Variants in ATXN1 observed in about 807,000 individuals in gnomAD.
The protein encoded by ATXN1 is ataxin 1.
Under a neutral mutation model 56.4 loss-of-function variants are expected in ATXN1, and 8 were observed. The ratio of observed to expected loss-of-function variants is 0.14; its 90% CI spans 0.08 to 0.26. The LOEUF (loss-of-function observed/expected upper bound fraction) is 0.26. Ranked by LOEUF, ATXN1 falls within the 10% of genes least tolerant of loss-of-function variation. The probability of loss-of-function intolerance (pLI) is 1.00; values close to 1 mark genes in which losing one functional copy is unlikely to be tolerated. For missense variants in ATXN1, 987 were observed against 1,106.5 expected (o/e 0.89, Z 1.53); for synonymous variants, 514 against 494.6 (o/e 1.04, Z -0.52).
chr6:16,331,705 TA>T (rs918016782), intron 6 of ATXN1, among the ~76,000 whole-genome samples: 17 of 152,222 alleles, frequency 1.1e-4, no homozygotes, highest in African/African-American at 3.6e-4. Flanking sequence ...CAAAGCCAAG[TA>T]AAATGTCAAA....
rs138290142 is a variant in ATXN1, at chr6:16,306,761, C to T, written c.2016G>A (p.Pro672=). 8.6e-5 allele frequency: 139 copies of T among 1,614,052 alleles called. No individual in the cohort carries two copies. Among genetic ancestry groups the T allele is most frequent in the Non-Finnish European group, 1.1e-4 (133 of 1,179,968 alleles). The change falls in exon 8 of 8, where the codon CCG becomes CCA. Residue 672 remains proline (P), a synonymous_variant. Transcript: ENST00000436367. The surrounding 1 kb of genome is among the most constrained non-coding windows in gnomAD (Gnocchi z 5.2). ...CATCCCCAACTGAGAGTTTGGAACA[C>T]GGCAAATCAAAGAGCTGGCTGGTTC... ...PERTSQLFDL[P]CSKLSVGDVC... is the part of the protein sequence containing the mutation.
At chr6:16,507,895 T>C (rs1196620889) in intron 5 of ATXN1, among the ~76,000 whole-genome samples, 2 of 152,220 alleles carry the variant, frequency 1.3e-5, no homozygotes, top group African/African-American at 2.4e-5. Flanking sequence ...AGATTACTTT[T>C]AAAAGCAACA....
intron 3 of ATXN1, among the ~76,000 whole-genome samples, chr6:16,613,266 C>T (rs1250613093): frequency 5.8e-5 from 6 of 102,930 alleles, no homozygotes; most frequent in African/African-American, 2.0e-4. Context: ...AGCGAGACTC[C>T]GTCTCAAAAA....
chr6:16,715,287 A>G (rs1255255033), intron 2 of ATXN1, among the ~76,000 whole-genome samples: 1 of 152,212 alleles, frequency 6.6e-6, no homozygotes, highest in African/African-American at 2.4e-5. Flanking sequence ...TAAGAGACAG[A>G]GGCTATTATT....
At chr6:16,751,872 T>G (rs576351738) in intron 2 of ATXN1, among the ~76,000 whole-genome samples, 29 of 152,358 alleles carry the variant, frequency 1.9e-4, no homozygotes, top group Admixed American at 6.5e-4. Flanking sequence ...GGTACTATTC[T>G]ACCCACAGTA....
intron 2 of ATXN1, among the ~76,000 whole-genome samples, chr6:16,749,261 G>C (rs559416445): frequency 1.3e-5 from 2 of 152,298 alleles, no homozygotes; most frequent in Middle Eastern, 6.8e-3. Context: ...ATGGCACATT[G>C]TGATTTACGC....
chr6:16,460,736 G>A (rs765293334), intron 6 of ATXN1, among the ~76,000 whole-genome samples: 10 of 152,118 alleles, frequency 6.6e-5, no homozygotes, highest in Non-Finnish European at 8.8e-5. Context: ...CCTATATACC[G>A]ATGGAAGTTC....
At chr6:16,587,424 G>C (rs535838405) in intron 3 of ATXN1, among the ~76,000 whole-genome samples, 1 of 152,290 alleles carries the variant, frequency 6.6e-6, no homozygotes, top group Admixed American at 6.5e-5. Context: ...TGTTCACAAA[G>C]TCTACATACT....
chr6:16,523,371 A>G (rs1761331245), intron 4 of ATXN1, among the ~76,000 whole-genome samples: 1 of 152,140 alleles, frequency 6.6e-6, no homozygotes, highest in South Asian at 2.1e-4. Flanking sequence ...CTCCCTCCAA[A>G]GTCCCTCTCA....
chr6:16,635,976 C>A (rs908073147), intron 3 of ATXN1, among the ~76,000 whole-genome samples: 1 of 152,174 alleles, frequency 6.6e-6, no homozygotes, highest in Non-Finnish European at 1.5e-5. Context: ...CAGAGCACAA[C>A]CCTAACCTCA....
At position 16,430,335 on chromosome 6, in the gene ATXN1, GAA is replaced by G. The variant is rs11302453; in HGVS notation, c.-161+55635_-161+55636del. ...GCAGGAAAGAGGGAAGGAAGGATAGGAAAAAAAAAAAAAGAAAGGGAAAGAAA... is the reference window on the plus strand; with the variant it reads ...GCAGGAAAGAGGGAAGGAAGGATAGGAAAAAAAAAAAGAAAGGGAAAGAAA... On this transcript the variant is annotated intron_variant, in intron 6 of 7. Transcript: ENST00000436367. 3.5e-3 allele frequency among the ~76,000 whole-genome samples: 510 copies of G among 144,992 alleles called. 3 individuals carry two copies. Among genetic ancestry groups the G allele is most frequent in the African/African-American group, 0.01 (402 of 39,462 alleles).
chr6:16,527,198 T>G (rs576064444), intron 4 of ATXN1, among the ~76,000 whole-genome samples: 2 of 152,110 alleles, frequency 1.3e-5, no homozygotes, highest in East Asian at 3.9e-4. Flanking sequence ...TTGCCCTCAA[T>G]TAAGGGTGCC....
intron 2 of ATXN1, among the ~76,000 whole-genome samples, chr6:16,678,494 TG>T (rs1758731921): frequency 6.6e-6 from 1 of 152,236 alleles, no homozygotes; most frequent in South Asian, 2.1e-4. Flanking sequence ...ACAGAGAACC[TG>T]GCTGTCTTTT....
At chr6:16,605,262 T>C (rs1292354104) in intron 3 of ATXN1, among the ~76,000 whole-genome samples, 3 of 152,186 alleles carry the variant, frequency 2.0e-5, no homozygotes, top group Non-Finnish European at 4.4e-5. Context: ...CCCTATTTTG[T>C]GATGCGTGTA....
intron 5 of ATXN1, among the ~76,000 whole-genome samples, chr6:16,486,639 C>A (rs1760551298): frequency 6.6e-6 from 1 of 152,158 alleles, no homozygotes; most frequent in South Asian, 2.1e-4. Context: ...ATCCAAACGT[C>A]TGCATGCCCT....
intron 2 of ATXN1, among the ~76,000 whole-genome samples, chr6:16,730,570 T>C (rs1246949344): frequency 6.7e-6 from 1 of 150,300 alleles, no homozygotes; most frequent in Non-Finnish European, 1.5e-5. Flanking sequence ...ATTTCTTAAT[T>C]CTACAAAATA....
rs562487782 is a variant in ATXN1, at chr6:16,430,810, G to A, written c.-161+55162C>T. Among the ~76,000 whole-genome samples the A allele has an allele frequency of 2.0e-5, 3 of 152,222 alleles. No individual in the cohort carries two copies. The South Asian group carries it at 6.2e-4, about 32-fold the overall frequency. The stretch of plus-strand genomic sequence containing the variant: ...CATATTTCATCTAACTCTCTTGACT[G>A]AGTCATTCCTATGGGATTAGGGAGT... On this transcript the variant is annotated intron_variant, in intron 6 of 7. Transcript: ENST00000436367.
At chr6:16,660,841 T>G (rs922752504) in intron 2 of ATXN1, among the ~76,000 whole-genome samples, 93 of 144,932 alleles carry the variant, frequency 6.4e-4, no homozygotes, top group Non-Finnish European at 4.8e-4. Flanking sequence ...GGTTTTTTTT[T>G]TTTTTTTTTT....
At chr6:16,366,813 G>T (rs1761931113) in intron 6 of ATXN1, among the ~76,000 whole-genome samples, 1 of 151,240 alleles carries the variant, frequency 6.6e-6, no homozygotes, top group Non-Finnish European at 1.5e-5. Flanking sequence ...AAAAAAACAG[G>T]CCCAAACCTC....
Sources: gnomAD v4.1 joint callset for allele counts (sites outside exome capture counted in the v4.1 genomes callset) on GRCh38, gnomAD v4.1.1 for gene constraint, Gnocchi (gnomAD v3.1) non-coding constraint, MANE v1.5 for transcripts, NCBI Gene and HGNC (gene_info 2026-07-23, HGNC 2026-07-21) for gene names.